Variants in SMURF2 observed in about 807,000 individuals in gnomAD.
The protein encoded by SMURF2 is SMAD specific E3 ubiquitin protein ligase 2.
A neutral mutation model predicts 109.6 loss-of-function variants in SMURF2; 48 were observed. That is an observed-to-expected ratio of 0.44 (90% confidence interval 0.35 to 0.56). The LOEUF (loss-of-function observed/expected upper bound fraction) is 0.56. SMURF2 is among the 20% of genes least tolerant of loss of function. The pLI is 0.01. For synonymous variants in SMURF2, 288 were observed against 317.1 expected (o/e 0.91, Z 0.97); for missense variants, 575 against 909.0 (o/e 0.63, Z 4.72).
At chr17:64,659,355 T>C (rs1970744680) in intron 1 of SMURF2, among the ~76,000 whole-genome samples, 2 of 152,194 alleles carry the variant, frequency 1.3e-5, no homozygotes, top group South Asian at 2.1e-4. Context: ...AAACACCTTA[T>C]AGCCCAAGTG....
chr17:64,650,537 C>T (rs1022517307), intron 1 of SMURF2, among the ~76,000 whole-genome samples: 1 of 152,074 alleles, frequency 6.6e-6, no homozygotes, highest in Admixed American at 6.6e-5. Context: ...TTCTGACTAC[C>T]TCTCATAAAA....
In SMURF2 at chr17:64,555,933, A is replaced by G; in HGVS notation, c.1497T>C (p.Tyr499=). Residue 499 remains tyrosine (Y), a synonymous_variant, in exon 14 of 19, where the codon TAT becomes TAC. Transcript: ENST00000262435. ...AAGGCAATGTGAAACCACCATCAAT[A>G]TAATGTCCATGAAACACAGCCATTC... ...IMGMAVFHGH[Y]IDGGFTLPFY... 3.1e-6 allele frequency: 5 copies of G among 1,613,768 alleles called. No homozygotes were observed. Among genetic ancestry groups the G allele is most frequent in the Non-Finnish European group, 4.2e-6 (5 of 1,179,770 alleles).
chr17:64,619,893 C>T (rs1186025982), intron 1 of SMURF2, among the ~76,000 whole-genome samples: 1 of 152,170 alleles, frequency 6.6e-6, no homozygotes, highest in Non-Finnish European at 1.5e-5. Flanking sequence ...ACCTAGCAAG[C>T]TTTCAGTAAA....
intron 7 of SMURF2, 35 bp downstream of exon 7, chr17:64,583,426 G>A (rs1555686750): frequency 1.3e-6 from 2 of 1,534,542 alleles, no homozygotes; most frequent in East Asian, 2.2e-5. Flanking sequence ...AGGGTGGCTG[G>A]CATAGATCAT....
chr17:64,582,848 C>CT (rs1387774513), intron 7 of SMURF2, among the ~76,000 whole-genome samples: 1 of 151,970 alleles, frequency 6.6e-6, no homozygotes, highest in Non-Finnish European at 1.5e-5. Flanking sequence ...ATCCGCCCAC[C>CT]TTGGCCTTCC....
chr17:64,586,099 C>T lies in SMURF2; in HGVS notation c.472G>A (p.Asp158Asn), dbSNP rs1555687042. ...VVDCSRLFDN[D>N]LPDGWEERRT... ...ATGTTAGCTTACCCGTCTGGTAAAT[C>T]GTTATCAAATAAACGACTGCAGTCC... Residue 158 changes from aspartate to asparagine, a missense_variant, in exon 6 of 19, where the codon GAT becomes AAT. Asp to Asn is a conservative substitution (Grantham distance 23). Transcript: ENST00000262435. 2.5e-6 allele frequency: 4 copies of T among 1,591,414 alleles called. No homozygotes were observed. Among genetic ancestry groups the T allele is most frequent in the African/African-American group, 2.7e-5 (2 of 74,478 alleles).
At chr17:64,623,210 A>C (rs1032923789) in intron 1 of SMURF2, among the ~76,000 whole-genome samples, 5 of 152,086 alleles carry the variant, frequency 3.3e-5, no homozygotes, top group Non-Finnish European at 7.4e-5. Context: ...AAAGACCCAA[A>C]ATTTTCAAAT....
At chr17:64,571,355 C>CTTACATAAAT (rs1969396760) in intron 10 of SMURF2, among the ~76,000 whole-genome samples, 1 of 152,100 alleles carries the variant, frequency 6.6e-6, no homozygotes, top group Non-Finnish European at 1.5e-5. Context: ...TTGTCACACT[C>CTTACATAAAT]TTACATAAAT....
intron 15 of SMURF2, among the ~76,000 whole-genome samples, chr17:64,553,224 C>A (rs575231191): frequency 6.3e-4 from 96 of 152,022 alleles, no homozygotes; most frequent in African/African-American, 2.2e-3. Context: ...CATAAAAAAA[C>A]AGCCAGGCAC....
chr17:64,605,752 T>C (rs1372468038), intron 2 of SMURF2, among the ~76,000 whole-genome samples: 1 of 124,080 alleles, frequency 8.1e-6, no homozygotes, highest in Non-Finnish European at 1.6e-5. Flanking sequence ...AGAATATATA[T>C]ATATATATAT....
intron 9 of SMURF2, among the ~76,000 whole-genome samples, chr17:64,577,075 G>A (rs1190440539): frequency 6.6e-6 from 1 of 151,546 alleles, no homozygotes; most frequent in African/African-American, 2.4e-5. Flanking sequence ...ATACCCAAAC[G>A]ATTATAAATC....
At chr17:64,636,524 A>G (rs1555692090) in intron 1 of SMURF2, among the ~76,000 whole-genome samples, 1 of 148,020 alleles carries the variant, frequency 6.8e-6, no homozygotes, top group Admixed American at 7.1e-5. Flanking sequence ...AATCGCTTGA[A>G]CCCAGGAGGT....
intron 1 of SMURF2, among the ~76,000 whole-genome samples, chr17:64,631,086 G>C (rs1970332676): frequency 1.3e-5 from 2 of 151,650 alleles, no homozygotes; most frequent in African/African-American, 4.9e-5. Flanking sequence ...AGGATCACTT[G>C]AGTCCAGGAG....
At position 64,545,838 on chromosome 17, in the gene SMURF2, T is replaced by C. The variant is rs1555683052; in HGVS notation, c.*10A>G. 1.9e-6 allele frequency: 3 copies of C among 1,554,064 alleles called. No homozygotes were observed. The Admixed American group carries it at 5.0e-5, about 26-fold the overall frequency. On this transcript the variant is annotated 3_prime_UTR_variant, in exon 19 of 19. Transcript: ENST00000262435. ...TATAAATAGAGTCCTGGGTAAATCC[T>C]TGAAGCTTGTCATTCCACAGCAAAT... is the stretch of plus-strand genomic sequence containing the variant.
rs114374577 is a variant in SMURF2, at chr17:64,590,193, G to C, written c.400+891C>G. 3.2e-3 allele frequency among the ~76,000 whole-genome samples: 463 copies of C among 146,064 alleles called. 1 individual carries two copies. The highest frequency in any genetic ancestry group is 0.012 in the African/African-American group (439 of 37,992). On this transcript the variant is annotated intron_variant, in intron 5 of 18. Transcript: ENST00000262435. ...GTCTTGCTCTTGTCACCCAGCTGGAGTGCAATGGTGTGATCATGGCTCACT... is the reference window on the plus strand; with the variant it reads ...GTCTTGCTCTTGTCACCCAGCTGGACTGCAATGGTGTGATCATGGCTCACT...
chr17:64,605,775 A>C (rs994191871), intron 2 of SMURF2, among the ~76,000 whole-genome samples: 10 of 139,014 alleles, frequency 7.2e-5, no homozygotes, highest in East Asian at 5.9e-4. Flanking sequence ...ATATATATAT[A>C]TCTTATTTCT....
chr17:64,576,572 G>A (rs1481167951), intron 9 of SMURF2, among the ~76,000 whole-genome samples: 1 of 151,030 alleles, frequency 6.6e-6, no homozygotes, highest in Non-Finnish European at 1.5e-5. Flanking sequence ...GCTGAGGCAG[G>A]AGAATCACTT....
chr17:64,651,302 G>A (rs993737674), intron 1 of SMURF2, among the ~76,000 whole-genome samples: 19 of 152,124 alleles, frequency 1.2e-4, no homozygotes, highest in Admixed American at 1.1e-3. Context: ...AGCTGGGCGC[G>A]GTGGCTCACG....
At chr17:64,658,754 T>C (rs564255435) in intron 1 of SMURF2, among the ~76,000 whole-genome samples, 49 of 152,216 alleles carry the variant, frequency 3.2e-4, no homozygotes, top group Non-Finnish European at 5.6e-4. Flanking sequence ...AAGTTTTTAC[T>C]GTAAAGAATA....
Sources: allele counts gnomAD v4.1 joint callset (sites outside exome capture counted in the v4.1 genomes callset), GRCh38; gene constraint gnomAD v4.1.1; transcripts MANE v1.5; gene names NCBI Gene and HGNC (gene_info 2026-07-23, HGNC 2026-07-21).